Variants in GLRA1 observed in about 807,000 individuals in gnomAD.
The protein encoded by GLRA1 is glycine receptor alpha 1, also known as glycine receptor subunit alpha-1.
A neutral mutation model predicts 48.3 loss-of-function variants in GLRA1; 37 were observed. That is an observed-to-expected ratio of 0.77 (90% confidence interval 0.59 to 1.01). GLRA1 has a LOEUF of 1.01. Ranked by LOEUF, GLRA1 falls within the 50% of genes least tolerant of loss-of-function variation. The pLI is 0.00. For missense variants in GLRA1, 427 were observed against 571.0 expected, an observed-to-expected ratio of 0.75 and a Z score of 2.57; for synonymous variants, 196 against 210.7, an observed-to-expected ratio of 0.93 and a Z score of 0.60.
At chr5:151,870,063 A>G (rs1023655073) in intron 3 of GLRA1, among the ~76,000 whole-genome samples, 6 of 149,550 alleles carry the variant, frequency 4.0e-5, no homozygotes, top group African/African-American at 1.3e-4. Flanking sequence ...AATATTTTAA[A>G]CATATATTTA....
At chr5:151,887,467 G>T (rs1753937058) in intron 2 of GLRA1, among the ~76,000 whole-genome samples, 1 of 152,166 alleles carries the variant, frequency 6.6e-6, no homozygotes, top group Non-Finnish European at 1.5e-5. Context: ...CATTACGGGG[G>T]TTCCTGCTGT....
At chr5:151,891,306 T>A (rs1754062861) in intron 2 of GLRA1, among the ~76,000 whole-genome samples, 1 of 152,222 alleles carries the variant, frequency 6.6e-6, no homozygotes, top group Non-Finnish European at 1.5e-5. Context: ...AACTAGTCTC[T>A]TGGTTATAGA....
At chr5:151,911,600 G>GTTTTTTTTTTTTT in intron 1 of GLRA1, among the ~76,000 whole-genome samples, 2 of 92,364 alleles carry the variant, frequency 2.2e-5, no homozygotes, top group Middle Eastern at 7.7e-3. Flanking sequence ...CCAAGCTAGA[G>GTTTTTTTTTTTTT]TTTTTTTTTT....
chr5:151,905,227 G>A (rs1754448877), intron 1 of GLRA1, among the ~76,000 whole-genome samples: 2 of 151,798 alleles, frequency 1.3e-5, no homozygotes, highest in Admixed American at 1.3e-4. Flanking sequence ...TGAGGTTCAA[G>A]GAAAAAAATG....
At chr5:151,918,870 G>A (rs1008855687) in intron 1 of GLRA1, among the ~76,000 whole-genome samples, 2 of 151,980 alleles carry the variant, frequency 1.3e-5, no homozygotes, top group Admixed American at 1.3e-4. Flanking sequence ...CTTATATTGA[G>A]TCCAAATTTG....
chr5:151,862,698 A>G (rs1346296722), intron 3 of GLRA1, among the ~76,000 whole-genome samples: 1 of 152,256 alleles, frequency 6.6e-6, no homozygotes, highest in East Asian at 1.9e-4. Context: ...AGACCTTAAT[A>G]TGCTGATGAG....
At chr5:151,835,914 C>T (rs1308704834) in intron 7 of GLRA1, among the ~76,000 whole-genome samples, 1 of 152,168 alleles carries the variant, frequency 6.6e-6, no homozygotes, top group African/African-American at 2.4e-5. Flanking sequence ...CAAGGATTCC[C>T]TCTCTCACCA....
At chr5:151,891,236 A>G (rs1754060825) in intron 2 of GLRA1, among the ~76,000 whole-genome samples, 1 of 152,186 alleles carries the variant, frequency 6.6e-6, no homozygotes, top group Non-Finnish European at 1.5e-5. Flanking sequence ...CTGCACCTGC[A>G]GGGCTCTGCT....
intron 2 of GLRA1, among the ~76,000 whole-genome samples, chr5:151,891,733 G>A (rs868794444): frequency 2.0e-5 from 3 of 152,134 alleles, no homozygotes; most frequent in East Asian, 1.9e-4. Context: ...TTGTTAGCCC[G>A]TGGGAAACTT....
intron 2 of GLRA1, among the ~76,000 whole-genome samples, chr5:151,889,713 C>T (rs77165078): frequency 2.6e-5 from 4 of 151,814 alleles, no homozygotes; most frequent in African/African-American, 9.7e-5. Context: ...TCCTCAATGG[C>T]CTTTTCAGGA....
intron 3 of GLRA1, among the ~76,000 whole-genome samples, chr5:151,868,408 T>A (rs1753390450): frequency 6.6e-6 from 1 of 152,226 alleles, no homozygotes; most frequent in Non-Finnish European, 1.5e-5. Context: ...TTTTTTATCT[T>A]CACAATAACC....
intron 3 of GLRA1, among the ~76,000 whole-genome samples, chr5:151,864,599 T>C (rs1381722683): frequency 6.6e-6 from 1 of 152,232 alleles, no homozygotes; most frequent in Non-Finnish European, 1.5e-5. Context: ...TCAGCCTCAT[T>C]GCTCAGGCAA....
intron 8 of GLRA1, among the ~76,000 whole-genome samples, chr5:151,824,828 A>G (rs923282576): frequency 6.6e-6 from 1 of 152,108 alleles, no homozygotes; most frequent in African/African-American, 2.4e-5. Context: ...AAAGTCTGTC[A>G]TGTTCACTGC....
intron 3 of GLRA1, among the ~76,000 whole-genome samples, chr5:151,879,593 C>T (rs1461751904): frequency 2.0e-5 from 3 of 152,098 alleles, no homozygotes; most frequent in Non-Finnish European, 2.9e-5. Context: ...TAAAGTGATC[C>T]GCCCACCTCG....
Position 151,857,674 on chromosome 5 carries a change from A to G in GLRA1, c.477-1291T>C, listed in dbSNP as rs551231152. 6.5e-4 allele frequency among the ~76,000 whole-genome samples: 99 copies of G among 152,292 alleles called. 1 individual carries two copies. In the South Asian group the frequency reaches 0.019, roughly 30 times the overall value. On this transcript the variant is annotated intron_variant, in intron 4 of 8. Coordinates refer to ENST00000274576, the MANE Select transcript of GLRA1 (RefSeq NM_000171.4). ...GGTGGGCTCCTCAGGATTCTGGGCT[A>G]GCTGTTTATTTTGGTTGTTCAACCC...
At chr5:151,830,571 A>T (rs1763398071) in intron 7 of GLRA1, among the ~76,000 whole-genome samples, 2 of 152,192 alleles carry the variant, frequency 1.3e-5, no homozygotes, top group South Asian at 4.1e-4. Flanking sequence ...GTGGAGCCTG[A>T]GTCAAAGTTG....
intron 3 of GLRA1, among the ~76,000 whole-genome samples, chr5:151,879,277 T>G (rs1003129655): frequency 1.3e-5 from 2 of 152,178 alleles, no homozygotes; most frequent in African/African-American, 4.8e-5. Context: ...TTAGAATGGC[T>G]GTATTTATCC....
chr5:151,874,827 G>C (rs944624326), intron 3 of GLRA1, among the ~76,000 whole-genome samples: 1 of 152,150 alleles, frequency 6.6e-6, no homozygotes, highest in Admixed American at 6.5e-5. Flanking sequence ...AATGTGGTAA[G>C]AACCTTTGCA....
intron 7 of GLRA1, among the ~76,000 whole-genome samples, chr5:151,837,698 A>C (rs539655901): frequency 1.3e-5 from 2 of 152,330 alleles, no homozygotes; most frequent in South Asian, 4.1e-4. Context: ...TTCTCGGCAA[A>C]CTAACACAAG....
Sources: allele counts gnomAD v4.1 joint callset (sites outside exome capture counted in the v4.1 genomes callset), GRCh38; gene constraint gnomAD v4.1.1; transcripts MANE v1.5; gene names NCBI Gene and HGNC (gene_info 2026-07-23, HGNC 2026-07-21).